SUCO: variants seen among roughly 807,000 people sequenced by gnomAD.
SUCO encodes the protein SUN domain-containing ossification factor.
A neutral mutation model predicts 148.1 loss-of-function variants in SUCO; 57 were observed. The observed-to-expected ratio is 0.38, with a 90% CI of 0.31 to 0.48. The LOEUF is 0.48. Ranked by LOEUF, SUCO falls within the 20% of genes least tolerant of loss-of-function variation. The probability of loss-of-function intolerance (pLI) is 0.96; values close to 1 mark genes in which losing one functional copy is unlikely to be tolerated. For synonymous variants in SUCO, 470 were observed against 502.7 expected, an observed-to-expected ratio of 0.93 and a Z score of 0.87; for missense variants, 1,331 against 1,468.2, an observed-to-expected ratio of 0.91 and a Z score of 1.53.
chr1:172,538,796 G>A (rs530858162), intron 1 of SUCO, among the ~76,000 whole-genome samples: 1 of 152,200 alleles, frequency 6.6e-6, no homozygotes, highest in East Asian at 1.9e-4. Context: ...AAAGCACCTG[G>A]TATTTTTATT....
chr1:172,533,027 T>A, upstream of SUCO: 1 of 1,431,550 alleles, frequency 7.0e-7, no homozygotes, highest in South Asian at 1.5e-5. Flanking sequence ...GACGCGTCCC[T>A]TTCCAGCTCA....
intron 1 of SUCO, among the ~76,000 whole-genome samples, chr1:172,546,253 C>T (rs570198471): frequency 2.0e-5 from 3 of 152,260 alleles, no homozygotes; most frequent in African/African-American, 4.8e-5. Context: ...AGTTGCCCAT[C>T]ACTCACCTTG....
rs943845788 is a variant in SUCO, at chr1:172,599,453, G to T, written c.2914-611G>T. 2.1e-5 allele frequency: 17 copies of T among 820,294 alleles called. No homozygotes were observed. The African/African-American group carries it at 3.2e-4, about 15-fold the overall frequency. 50.8% of individuals were successfully genotyped at this position (820,294 alleles called of 1,614,324 possible). On this transcript the variant is annotated intron_variant, in intron 19 of 23. Transcript: ENST00000263688. ...ATATTATAAATAAGACATCTTTGTT[G>T]ATTATAAAAGTTTCTAAAATTCAGT...
At chr1:172,605,124 T>C (rs1411745207) in intron 22 of SUCO, among the ~76,000 whole-genome samples, 2 of 151,882 alleles carry the variant, frequency 1.3e-5, no homozygotes, top group African/African-American at 4.8e-5. Flanking sequence ...TTTCATCCTT[T>C]AGGTTGCTTT....
chr1:172,556,109 A>C, intron 4 of SUCO, 86 bp downstream of exon 4: 1 of 1,102,342 alleles, frequency 9.1e-7, no homozygotes, highest in Non-Finnish European at 1.3e-6. Flanking sequence ...GCAGCTTGAT[A>C]CTCAAGTTTG....
intron 10 of SUCO, 60 bp downstream of exon 10, chr1:172,574,058 A>G (rs1655247246): frequency 2.0e-6 from 2 of 1,000,432 alleles, no homozygotes; most frequent in South Asian, 1.5e-5. Context: ...AAGAAAAACA[A>G]AAAAACAAAA....
rs1658187727 is a variant in SUCO at position 172,611,146 on chromosome 1, G to A, written c.*887G>A. On this transcript the variant is annotated 3_prime_UTR_variant, in exon 24 of 24. Transcript: ENST00000263688. Reference sequence around the variant, plus strand: ...TAAAATTTGAAGGTTTGGCCAATTAGTACAAGTCTCATGATATAATCACTG... The same window carrying A: ...TAAAATTTGAAGGTTTGGCCAATTAATACAAGTCTCATGATATAATCACTG... 1 of 152,688 alleles carries A rather than the reference G, an allele frequency of 6.5e-6. No individual in the cohort carries two copies. Among genetic ancestry groups the A allele is most frequent in the African/African-American group, 2.4e-5 (1 of 41,538 alleles). The allele number at this position is 152,688 out of a possible 1,614,324, so 9.5% of individuals were successfully genotyped here. A position where few individuals can be genotyped will look rare whatever the true frequency, so the allele number is the denominator to read the frequency against.
intron 1 of SUCO, chr1:172,543,022 A>G: frequency 1.0e-6 from 1 of 984,648 alleles, no homozygotes; most frequent in Non-Finnish European, 1.2e-6. Context: ...GGTAGCCAGG[A>G]GATGTAGAAG....
chr1:172,593,981 A>C (rs919437851), intron 19 of SUCO, among the ~76,000 whole-genome samples: 1 of 152,016 alleles, frequency 6.6e-6, no homozygotes, highest in Non-Finnish European at 1.5e-5. Context: ...CAGAGATTCA[A>C]CTTCTTCCTG....
At chr1:172,549,423 T>C (rs886367027) in intron 1 of SUCO, among the ~76,000 whole-genome samples, 1 of 151,950 alleles carries the variant, frequency 6.6e-6, no homozygotes, top group Admixed American at 6.5e-5. Context: ...AATTCATTAT[T>C]GCATTATTTT....
upstream of SUCO, chr1:172,532,429 T>C (rs776595233): frequency 1.3e-6 from 2 of 1,485,866 alleles, no homozygotes; most frequent in Admixed American, 2.0e-5. Flanking sequence ...AAATTCTTGC[T>C]GAAGAGAAGA....
intron 1 of SUCO, among the ~76,000 whole-genome samples, chr1:172,536,002 T>C (rs1651984692): frequency 6.6e-6 from 1 of 152,244 alleles, no homozygotes. Context: ...TAGAGTATTC[T>C]AGGCATAAAT....
chr1:172,610,262 T>G lies in SUCO; in HGVS notation c.*3T>G. The G allele has an allele frequency of 6.4e-7, 1 of 1,567,334 alleles. No homozygotes were observed. Among genetic ancestry groups the G allele is most frequent in the Non-Finnish European group, 8.6e-7 (1 of 1,161,966 alleles). On this transcript the variant is annotated 3_prime_UTR_variant, in exon 24 of 24. Coordinates refer to ENST00000263688, the MANE Select transcript of SUCO (RefSeq NM_014283.5). ...CAGCAGTCTCGGGACATATCTAAAA[T>G]TAATTGAACTTTTCATACAGAAGAC...
chr1:172,554,926 A>T (rs2149231212), intron 3 of SUCO, among the ~76,000 whole-genome samples: 1 of 152,238 alleles, frequency 6.6e-6, no homozygotes, highest in South Asian at 2.1e-4. Flanking sequence ...AAATGATCAT[A>T]CTTTATATTC....
intron 1 of SUCO, chr1:172,550,852 A>G: frequency 1.0e-6 from 1 of 964,660 alleles, no homozygotes; most frequent in Non-Finnish European, 1.2e-6. Context: ...TTTTTCCTTG[A>G]TATTTTTGCA....
chr1:172,555,467 G>GCTTATTGATACACATTATTTC (rs1237935450), intron 3 of SUCO: 2 of 945,134 alleles, frequency 2.1e-6, no homozygotes, highest in African/African-American at 1.8e-5. Flanking sequence ...TTATATCGTT[G>GCTTATTGATACACATTATTTC]CTTATTGATA....
chr1:172,593,707 G>A (rs1656849160), intron 19 of SUCO, among the ~76,000 whole-genome samples: 2 of 152,194 alleles, frequency 1.3e-5, no homozygotes, highest in Admixed American at 1.3e-4. Flanking sequence ...TTGCATCAAT[G>A]TTCATCAGGG....
In SUCO at chr1:172,578,299, G is replaced by C. The variant is rs1327757547; in HGVS notation, c.1342G>C (p.Val448Leu). The C allele has an allele frequency of 6.2e-7, 1 of 1,604,096 alleles. No individual in the cohort carries two copies. The highest frequency in any genetic ancestry group is 8.5e-7 in the Non-Finnish European group (1 of 1,171,450). ...EHFCPLSLIR[V>L]FGTSMVEEYE... is the part of the protein sequence containing the mutation. Reference sequence around the variant, plus strand: ...CTTTAATGAAATTGTTGTTGATAGGGTATTTGGCACTAGCATGGTGGAAGA... The same window carrying C: ...CTTTAATGAAATTGTTGTTGATAGGCTATTTGGCACTAGCATGGTGGAAGA... Residue 448 changes from valine (V) to leucine (L), a missense_variant and splice_region_variant, in exon 14 of 24, where the codon GTA becomes CTA. Physicochemically the swap from Val to Leu is conservative, Grantham distance 32 (BLOSUM62 1). Around this residue, in one of 3 missense-constraint regions of SUCO, gnomAD observed 992 missense variants for 1,093.5 expected, o/e 0.91. Transcript: ENST00000263688.
At chr1:172,538,771 A>G (rs1047476853) in intron 1 of SUCO, among the ~76,000 whole-genome samples, 5 of 152,094 alleles carry the variant, frequency 3.3e-5, no homozygotes, top group African/African-American at 7.2e-5. Flanking sequence ...TTGCTCTAGG[A>G]TATATATTCT....
Sources: allele counts gnomAD v4.1 joint callset (sites outside exome capture counted in the v4.1 genomes callset), GRCh38; gene constraint gnomAD v4.1.1; regional missense constraint gnomAD v4.1.1; transcripts MANE v1.5; gene names NCBI Gene and HGNC (gene_info 2026-07-23, HGNC 2026-07-21).